Variants in KAZN observed in about 807,000 individuals in gnomAD.
KAZN encodes the protein kazrin.
A neutral mutation model predicts 87.4 loss-of-function variants in KAZN; 40 were observed. The ratio of observed to expected loss-of-function variants is 0.46; its 90% CI spans 0.36 to 0.60. The LOEUF (loss-of-function observed/expected upper bound fraction) is 0.60, where lower values mean the gene tolerates loss of function less well. Ranked by LOEUF, KAZN falls within the 20% of genes least tolerant of loss-of-function variation. KAZN has a pLI of 0.00. For missense variants in KAZN, 898 were observed against 1,073.9 expected (o/e 0.84, Z 2.29); for synonymous variants, 466 against 458.3 (o/e 1.02, Z -0.22).
chr1:14,831,839 T>C lies in KAZN; in HGVS notation c.227-128845T>C, dbSNP rs189906041. ...TGGACGCCTCCTCTGAAATCCTCAC[T>C]GTATTATTCAGGACTCTGGGTTGCG... On this transcript the variant is annotated intron_variant, in intron 1 of 14. Coordinates refer to ENST00000376030, the MANE Select transcript of KAZN (RefSeq NM_201628.3). 4.3e-3 allele frequency among the ~76,000 whole-genome samples: 661 copies of C among 152,144 alleles called. 5 individuals are homozygous for C. The highest frequency in any genetic ancestry group is 6.9e-3 in the Admixed American group (106 of 15,276).
intron 1 of KAZN, among the ~76,000 whole-genome samples, chr1:14,001,699 A>G (rs1338053808): frequency 6.6e-6 from 1 of 152,288 alleles, no homozygotes; most frequent in South Asian, 2.1e-4. Context: ...AAATAACACC[A>G]TACATCTACA....
At chr1:14,835,784 G>A (rs1647219121) in intron 1 of KAZN, among the ~76,000 whole-genome samples, 1 of 151,948 alleles carries the variant, frequency 6.6e-6, no homozygotes. Context: ...CTCTTTCCCT[G>A]GCTCCTATCC....
intron 1 of KAZN, among the ~76,000 whole-genome samples, chr1:13,984,868 A>G (rs954758742): frequency 2.6e-5 from 4 of 152,244 alleles, no homozygotes; most frequent in Admixed American, 1.3e-4. Flanking sequence ...TTTTTATTCT[A>G]TAAGCAGATA....
At chr1:14,860,944 A>G (rs1650765628) in intron 1 of KAZN, among the ~76,000 whole-genome samples, 1 of 152,194 alleles carries the variant, frequency 6.6e-6, no homozygotes, top group South Asian at 2.1e-4. Flanking sequence ...TCGAGTGGCT[A>G]AGCGTTTCGC....
At chr1:14,971,338 C>T (rs1039384982) in intron 2 of KAZN, among the ~76,000 whole-genome samples, 2 of 152,118 alleles carry the variant, frequency 1.3e-5, no homozygotes, top group African/African-American at 2.4e-5. Context: ...GCAGAGGTTG[C>T]GGTGGGCTGA....
rs1011639511 is a variant in KAZN at position 15,012,065 on chromosome 1, G to A, written c.419-22684G>A. 5.3e-5 allele frequency among the ~76,000 whole-genome samples: 8 copies of A among 152,266 alleles called. No individual in the cohort carries two copies. In the East Asian group the frequency reaches 1.5e-3, roughly 29 times the overall value. On this transcript the variant is annotated intron_variant, in intron 2 of 14. Coordinates refer to ENST00000376030, the MANE Select transcript of KAZN (RefSeq NM_201628.3). ...GGCAGCTAACACCATGGGCACTCTT[G>A]CAGGTCCCTTGCATGTGGAGTAGCC...
At chr1:14,384,896 A>C (rs1415488004) in intron 2 of KAZN, among the ~76,000 whole-genome samples, 2 of 151,848 alleles carry the variant, frequency 1.3e-5, no homozygotes, top group Non-Finnish European at 2.9e-5. Flanking sequence ...GAATGGTACC[A>C]GTTCCTCCTT....
At position 15,117,463 on chromosome 1, in the gene KAZN, A is replaced by C. The variant is rs1000312706; in HGVS notation, c.*2828A>C. The stretch of plus-strand genomic sequence containing the variant: ...TTTGGAAATCTGTCTGTCTGTTGGC[A>C]TCGCTGTTTTCAGACCCCAGGCTGC... On this transcript the variant is annotated 3_prime_UTR_variant, in exon 15 of 15. Transcript: ENST00000376030. The C allele has an allele frequency of 6.6e-6, 1 of 152,424 alleles. No individual in the cohort carries two copies. Among genetic ancestry groups the C allele is most frequent in the Non-Finnish European group, 1.5e-5 (1 of 68,262 alleles). The allele number at this position is 152,424 out of a possible 1,614,324, so 9.4% of individuals were successfully genotyped here.
chr1:14,901,141 C>T (rs776518665), intron 1 of KAZN, among the ~76,000 whole-genome samples: 14 of 152,164 alleles, frequency 9.2e-5, no homozygotes, highest in South Asian at 2.1e-4. Flanking sequence ...AAAAACTGGT[C>T]GGGGACAACT....
chr1:14,786,835 T>G (rs1645523362), intron 1 of KAZN, among the ~76,000 whole-genome samples: 3 of 152,342 alleles, frequency 2.0e-5, no homozygotes, highest in South Asian at 4.1e-4. Context: ...AACAATATTG[T>G]TACTATGTGG....
At chr1:14,459,578 C>T (rs1667751244) in intron 2 of KAZN, among the ~76,000 whole-genome samples, 1 of 152,130 alleles carries the variant, frequency 6.6e-6, no homozygotes, top group Non-Finnish European at 1.5e-5. Flanking sequence ...TGGGTTCCAG[C>T]CTATCTGGAA....
intron 2 of KAZN, among the ~76,000 whole-genome samples, chr1:15,032,727 T>C (rs1671854648): frequency 6.6e-6 from 1 of 151,964 alleles, no homozygotes; most frequent in African/African-American, 2.4e-5. Context: ...GGCAGGCAGA[T>C]GACTTGAGAT....
At chr1:14,381,063 C>T (rs1439064857) in intron 2 of KAZN, among the ~76,000 whole-genome samples, 3 of 152,198 alleles carry the variant, frequency 2.0e-5, no homozygotes, top group African/African-American at 7.2e-5. Flanking sequence ...ATCCCATGGC[C>T]ATCATCCCAC....
At chr1:15,089,773 C>T (rs1168777844) in intron 8 of KAZN, among the ~76,000 whole-genome samples, 1 of 129,486 alleles carries the variant, frequency 7.7e-6, no homozygotes, top group Non-Finnish European at 1.6e-5. Context: ...GAGAAGTTCA[C>T]ATAAGCTGCT....
At chr1:14,905,591 A>T (rs980071554) in intron 1 of KAZN, among the ~76,000 whole-genome samples, 4 of 152,212 alleles carry the variant, frequency 2.6e-5, no homozygotes, top group South Asian at 2.1e-4. Flanking sequence ...CACGCCTATA[A>T]TCCCAGCACT....
At chr1:14,884,440 C>A (rs1653821716) in intron 1 of KAZN, among the ~76,000 whole-genome samples, 1 of 152,088 alleles carries the variant, frequency 6.6e-6, no homozygotes, top group Non-Finnish European at 1.5e-5. Context: ...TCATTTTCTA[C>A]CGTGCCACTG....
chr1:14,452,771 G>A (rs150373478), intron 2 of KAZN, among the ~76,000 whole-genome samples: 3 of 152,294 alleles, frequency 2.0e-5, no homozygotes, highest in East Asian at 3.9e-4. Flanking sequence ...GATATGCTAC[G>A]GTGAGGACCA....
chr1:13,994,830 G>A (rs1321081365), intron 1 of KAZN, among the ~76,000 whole-genome samples: 2 of 152,002 alleles, frequency 1.3e-5, no homozygotes, highest in Non-Finnish European at 2.9e-5. Flanking sequence ...GAGATGGAAA[G>A]CATGCACAAA....
At chr1:14,208,743 A>G (rs780774258) in intron 2 of KAZN, among the ~76,000 whole-genome samples, 2 of 152,210 alleles carry the variant, frequency 1.3e-5, no homozygotes, top group Non-Finnish European at 2.9e-5. Flanking sequence ...AATAAAGGGT[A>G]GTCTCAGCCA....
Sources: allele counts gnomAD v4.1 joint callset (sites outside exome capture counted in the v4.1 genomes callset), GRCh38; gene constraint gnomAD v4.1.1; transcripts MANE v1.5; gene names NCBI Gene and HGNC (gene_info 2026-07-23, HGNC 2026-07-21).